The following CFAP70 variants were observed in gnomAD, a reference collection of about 807,000 sequenced individuals.
CFAP70 encodes cilia and flagella associated protein 70, also known as cilia- and flagella-associated protein 70.
A neutral mutation model predicts 137.6 loss-of-function variants in CFAP70; 81 were observed. That is an observed-to-expected ratio of 0.59 (90% CI 0.49 to 0.71). CFAP70 has a LOEUF of 0.71. Among genes scored for constraint, CFAP70 ranks in the 30% least tolerant of loss-of-function variants. CFAP70 has a pLI of 0.00. For missense variants in CFAP70, 976 were observed against 1,226.7 expected, an observed-to-expected ratio of 0.80 and a Z score of 3.05; for synonymous variants, 382 against 423.6, an observed-to-expected ratio of 0.90 and a Z score of 1.20.
At chr10:73,269,455 C>G (rs2046059537) in intron 25 of CFAP70, among the ~76,000 whole-genome samples, 159 bp downstream of exon 26, 2 of 152,190 alleles carry the variant, frequency 1.3e-5, no homozygotes, top group Non-Finnish European at 2.9e-5. Context: ...TACAGCCTGC[C>G]CAGACTTGGC....
chr10:73,330,641 C>T (rs1389064332), intron 8 of CFAP70, among the ~76,000 whole-genome samples: 1 of 151,772 alleles, frequency 6.6e-6, no homozygotes, highest in Admixed American at 6.6e-5. Context: ...TGCTATTTGC[C>T]GTACATCATG....
chr10:73,324,661 G>A (rs1413491392), intron 8 of CFAP70, among the ~76,000 whole-genome samples: 1 of 152,192 alleles, frequency 6.6e-6, no homozygotes, highest in African/African-American at 2.4e-5. Flanking sequence ...GGAGCTGAAA[G>A]CCAAGGCTCG....
intron 25 of CFAP70, among the ~76,000 whole-genome samples, chr10:73,257,335 G>C (rs1469548230): frequency 6.6e-6 from 1 of 152,162 alleles, no homozygotes; most frequent in African/African-American, 2.4e-5. Flanking sequence ...CTTCTATGAA[G>C]ATCTGGATAT....
chr10:73,308,594 C>T (rs557648325), intron 12 of CFAP70, among the ~76,000 whole-genome samples: 2 of 147,568 alleles, frequency 1.4e-5, no homozygotes, highest in South Asian at 4.3e-4. Context: ...CACCATTGCA[C>T]TCCAGCTTGG....
chr10:73,340,141 C>T (rs2053113538), intron 6 of CFAP70, among the ~76,000 whole-genome samples: 1 of 152,186 alleles, frequency 6.6e-6, no homozygotes, highest in South Asian at 2.1e-4. Flanking sequence ...GCCCAGCTCT[C>T]AGAAGAGAGG....
chr10:73,262,076 T>TGTG (rs36020354), intron 25 of CFAP70, among the ~76,000 whole-genome samples: 1 of 146,008 alleles, frequency 6.8e-6, no homozygotes, highest in Non-Finnish European at 1.5e-5. Flanking sequence ...TATGTATATA[T>TGTG]TATATATGTA....
intron 12 of CFAP70, among the ~76,000 whole-genome samples, chr10:73,309,446 T>C (rs2049705217): frequency 6.6e-6 from 1 of 152,154 alleles, no homozygotes; most frequent in Non-Finnish European, 1.5e-5. Context: ...CAGTTATCAC[T>C]AGGTGAGTAG....
At chr10:73,345,804 A>T (rs1224543986) in intron 4 of CFAP70, among the ~76,000 whole-genome samples, 1 of 152,216 alleles carries the variant, frequency 6.6e-6, no homozygotes, top group Non-Finnish European at 1.5e-5. Context: ...TCTCAAAAAA[A>T]ACAAAAGAAA....
At chr10:73,295,556 T>G (rs978512657) in intron 15 of CFAP70, 16 of 152,222 alleles carry the variant, frequency 1.1e-4, no homozygotes, top group African/African-American at 3.9e-4. Flanking sequence ...AATATTGCTA[T>G]GTAAAGGTTA....
At chr10:73,266,809 T>G (rs2045818335) in intron 25 of CFAP70, among the ~76,000 whole-genome samples, 1 of 152,206 alleles carries the variant, frequency 6.6e-6, no homozygotes. Flanking sequence ...GAGGTTTGTC[T>G]GTTCACTAGT....
chr10:73,276,105 G>GTTTTTTTTT (rs756867610), intron 21 of CFAP70: 1 of 132,744 alleles, frequency 7.5e-6, no homozygotes. Context: ...TTTGTATTTT[G>GTTTTTTTTT]TTTTTTTTTT....
At chr10:73,322,744 T>A (rs2050989812) in intron 9 of CFAP70, among the ~76,000 whole-genome samples, 1 of 152,202 alleles carries the variant, frequency 6.6e-6, no homozygotes, top group Non-Finnish European at 1.5e-5. Context: ...TGTTCTCTGT[T>A]CACCTGTTGA....
chr10:73,359,537 AC>A (rs1160987050), upstream of CFAP70, among the ~76,000 whole-genome samples: 6 of 152,226 alleles, frequency 3.9e-5, no homozygotes, highest in Non-Finnish European at 8.8e-5. Flanking sequence ...ACGGATTACA[AC>A]CCATTGAATA....
intron 25 of CFAP70, among the ~76,000 whole-genome samples, chr10:73,256,759 C>T (rs557801339): frequency 4.4e-4 from 67 of 151,556 alleles, no homozygotes; most frequent in Admixed American, 2.7e-3. Context: ...CAAAATTAGC[C>T]GGGTGTGGTG....
upstream of CFAP70, among the ~76,000 whole-genome samples, chr10:73,360,328 A>G (rs2054958862): frequency 6.6e-6 from 1 of 152,220 alleles, no homozygotes; most frequent in Non-Finnish European, 1.5e-5. Flanking sequence ...AAGACTAACA[A>G]GGGATACATA....
At chr10:73,257,104 A>C (rs1318695020) in intron 25 of CFAP70, among the ~76,000 whole-genome samples, 1 of 152,086 alleles carries the variant, frequency 6.6e-6, no homozygotes, top group East Asian at 1.9e-4. Flanking sequence ...TGTTGTTTTT[A>C]GTGCTTTATT....
At chr10:73,323,640 G>A (rs999252971) in intron 8 of CFAP70, among the ~76,000 whole-genome samples, 1 of 152,194 alleles carries the variant, frequency 6.6e-6, no homozygotes, top group South Asian at 2.1e-4. Flanking sequence ...CGCTTTTGCC[G>A]ACGGGCTTAA....
intron 18 of CFAP70, 37 bp downstream of exon 19, chr10:73,291,603 G>T: frequency 6.4e-7 from 1 of 1,564,104 alleles, no homozygotes. Flanking sequence ...TCTTATAATG[G>T]GGAGAAAACA....
chr10:73,333,057 G>A (rs1450593182), intron 7 of CFAP70, among the ~76,000 whole-genome samples: 1 of 152,176 alleles, frequency 6.6e-6, no homozygotes, highest in African/African-American at 2.4e-5. Context: ...GGTAATGTAA[G>A]CAGAGATGGA....
Sources: allele counts gnomAD v4.1 joint callset (sites outside exome capture counted in the v4.1 genomes callset), GRCh38; gene constraint gnomAD v4.1.1; transcripts MANE v1.5; gene names NCBI Gene and HGNC (gene_info 2026-07-23, HGNC 2026-07-21).